The following SHKBP1 variants were observed in gnomAD, a reference collection of about 807,000 sequenced individuals.
The protein encoded by SHKBP1 is SH3KBP1 binding protein 1.
SHKBP1 carries 71 observed loss-of-function variants against 83.9 expected under a neutral mutation model. That is an observed-to-expected ratio of 0.85 (90% CI 0.70 to 1.03). The LOEUF (loss-of-function observed/expected upper bound fraction) is 1.03. SHKBP1 is among the 50% of genes least tolerant of loss of function. The pLI is 0.00. For missense variants in SHKBP1, 824 were observed against 982.4 expected, an observed-to-expected ratio of 0.84 and a Z score of 2.16; for synonymous variants, 371 against 398.0, an observed-to-expected ratio of 0.93 and a Z score of 0.81.
chr19:40,584,127 C>A (rs1012038221), intron 12 of SHKBP1, among the ~76,000 whole-genome samples: 4 of 152,120 alleles, frequency 2.6e-5, no homozygotes, highest in Non-Finnish European at 5.9e-5. Context: ...AGACGTGAGC[C>A]ACCGCGCCCA....
chr19:40,580,429 G>C lies in SHKBP1; in HGVS notation c.506G>C (p.Gly169Ala), dbSNP rs1440052543. 3.1e-6 allele frequency: 5 copies of C among 1,614,004 alleles called. No homozygotes were observed. Among genetic ancestry groups the C allele is most frequent in the East Asian group, 4.5e-5 (2 of 44,894 alleles). The change falls in exon 7 of 18, where the codon GGC (glycine) becomes GCC (alanine). Residue 169 changes from glycine (G) to alanine (A), a missense_variant. By Grantham distance (60) the Gly-to-Ala change is moderately conservative. Coordinates refer to ENST00000291842, the MANE Select transcript of SHKBP1 (RefSeq NM_138392.4). ...AGCAACACGATGCCCCCCAACCTTG[G>C]CAATGCAGGGCTGCTGGGCCGAATG... ...RRSNTMPPNLGNAGLLGRMLD... is the reference protein window; with the variant it reads ...RRSNTMPPNLANAGLLGRMLD...
At chr19:40,577,469 T>TG (rs779970265) in intron 3 of SHKBP1, 28 bp downstream of exon 3, 802 of 1,288,210 alleles carry the variant, frequency 6.2e-4, no homozygotes, top group Non-Finnish European at 8.2e-4. Flanking sequence ...TGAAATGGGA[T>TG]GGGGGGGAGG....
chr19:40,588,811 C>T, intron 14 of SHKBP1, 32 bp downstream of exon 14: 1 of 1,608,052 alleles, frequency 6.2e-7, no homozygotes, highest in South Asian at 1.1e-5. Flanking sequence ...TCCCACCCCA[C>T]TGACCCCCTT....
chr19:40,589,997 C>T (rs140711399), intron 15 of SHKBP1, among the ~76,000 whole-genome samples: 32 of 152,052 alleles, frequency 2.1e-4, no homozygotes, highest in South Asian at 6.2e-4. Flanking sequence ...GCAGCTGGGA[C>T]GGGCCTCAGG....
At position 40,583,593 on chromosome 19, in the gene SHKBP1, C is replaced by A; in HGVS notation, c.1049-8C>A. On this transcript the variant is annotated splice_region_variant and splice_polypyrimidine_tract_variant and intron_variant, in intron 11 of 17. Coordinates refer to ENST00000291842, the MANE Select transcript of SHKBP1 (RefSeq NM_138392.4). ...ACAAACCCGCTCCACCCTCCCTGCCCACCCCAGATGTGCAGAAGTTCCCCT... is the reference window on the plus strand; with the variant it reads ...ACAAACCCGCTCCACCCTCCCTGCCAACCCCAGATGTGCAGAAGTTCCCCT... 1 of 1,611,466 alleles carries A rather than the reference C, an allele frequency of 6.2e-7. No individual in the cohort carries two copies. The highest frequency in any genetic ancestry group is 8.5e-7 in the Non-Finnish European group (1 of 1,177,672).
intron 10 of SHKBP1, 43 bp from the exon 11 acceptor site, chr19:40,583,355 A>G (rs1324916272): frequency 6.7e-7 from 1 of 1,499,090 alleles, no homozygotes; most frequent in South Asian, 1.3e-5. Context: ...AAGGAAAGGA[A>G]TGGAAGGGCT....
intron 13 of SHKBP1, among the ~76,000 whole-genome samples, chr19:40,588,294 C>T (rs2081327950): frequency 6.6e-6 from 1 of 152,170 alleles, no homozygotes; most frequent in Non-Finnish European, 1.5e-5. Flanking sequence ...CTCCACCTGG[C>T]TGCCCGTGGG....
At chr19:40,582,740 TA>T (rs1455026407) in intron 10 of SHKBP1, among the ~76,000 whole-genome samples, 3 of 150,766 alleles carry the variant, frequency 2.0e-5, no homozygotes, top group East Asian at 2.0e-4. Context: ...GAGAGCAGGT[TA>T]GGGGGGATGC....
chr19:40,588,434 G>A (rs2081328946), intron 13 of SHKBP1, among the ~76,000 whole-genome samples, 190 bp from the exon 14 acceptor site: 1 of 152,216 alleles, frequency 6.6e-6, no homozygotes, highest in South Asian at 2.1e-4. Flanking sequence ...TCAGGCTCTG[G>A]AACAGTTTTG....
chr19:40,577,531 C>T (rs375433241), intron 3 of SHKBP1, 26 bp from the exon 4 acceptor site: 31 of 1,613,960 alleles, frequency 1.9e-5, no homozygotes, highest in Non-Finnish European at 1.9e-5. Context: ...TTTACCCCAT[C>T]CATCCTCTGC....
rs762772692 is a variant in SHKBP1 at position 40,588,606 on chromosome 19, T to A, written c.1337-18T>A. 1 of 1,613,898 alleles carries A rather than the reference T, an allele frequency of 6.2e-7. No homozygotes were observed. The highest frequency in any genetic ancestry group is 8.5e-7 in the Non-Finnish European group (1 of 1,179,848). On this transcript the variant is annotated intron_variant, in intron 13 of 17. Transcript: ENST00000291842. ...GCCTGCACCAGGCCTGACTTCCTGC[T>A]CTCCTTGTGCCCCTCAGTCTGTGCC... is the stretch of plus-strand genomic sequence containing the variant.
chr19:40,577,153 C>A (rs2081221556), intron 1 of SHKBP1, 78 bp from the exon 2 acceptor site: 1 of 1,572,006 alleles, frequency 6.4e-7, no homozygotes, highest in Admixed American at 1.7e-5. Context: ...GGGAGGGAAC[C>A]CTGGATCCTG....
chr19:40,577,677 T>A (rs1436607692), intron 4 of SHKBP1, 47 bp downstream of exon 4: 12 of 1,593,884 alleles, frequency 7.5e-6, no homozygotes, highest in Non-Finnish European at 1.0e-5. Context: ...CTTCAGTCCC[T>A]GAGGAGTTCT....
chr19:40,590,223 C>T lies in SHKBP1; in HGVS notation c.1590-21C>T, dbSNP rs2081346242. The T allele has an allele frequency of 1.9e-6, 3 of 1,540,936 alleles. No individual in the cohort carries two copies. Among genetic ancestry groups the T allele is most frequent in the Non-Finnish European group, 2.6e-6 (3 of 1,143,170 alleles). On this transcript the variant is annotated intron_variant, in intron 15 of 17. Transcript: ENST00000291842. The surrounding 1 kb of genome is among the most constrained non-coding windows in gnomAD (Gnocchi z 4.6). ...AGGGTGAGAAAGCGAGGGTGACCAC[C>T]TCCCCCACTGCACCCCCCAGGGTGT...
rs1056883722 is a variant in SHKBP1, at chr19:40,580,211, C to T, written c.401-113C>T. On this transcript the variant is annotated intron_variant, in intron 6 of 17. Transcript: ENST00000291842. The stretch of plus-strand genomic sequence containing the variant: ...TCACTGCACCACTTAAAATCTTCAC[C>T]CGGAGACTATGTCCCACACATGGGG... 3.9e-6 allele frequency: 5 copies of T among 1,283,502 alleles called. 1 individual carries two copies. In the Admixed American group the frequency reaches 1.2e-4, roughly 32 times the overall value. The allele number at this position is 1,283,502 out of a possible 1,614,324, so 79.5% of individuals were successfully genotyped here. A position where few individuals can be genotyped will look rare whatever the true frequency, so the allele number is the denominator to read the frequency against.
Position 40,590,968 on chromosome 19 carries a change from T to C in SHKBP1, c.1893-8T>C, listed in dbSNP as rs747845000. ...GATGACGTGCACTTACTGTCCTTACTTCCTCAGCCTCCACTCAGCCTCCAG... is the reference window on the plus strand; with the variant it reads ...GATGACGTGCACTTACTGTCCTTACCTCCTCAGCCTCCACTCAGCCTCCAG... On this transcript the variant is annotated splice_polypyrimidine_tract_variant and splice_region_variant and intron_variant, in intron 17 of 17. Coordinates refer to ENST00000291842, the MANE Select transcript of SHKBP1 (RefSeq NM_138392.4). This position sits in a 1 kb window ranked among gnomAD's most constrained non-coding sequence, Gnocchi z 4.6. 4 of 1,598,044 alleles carry C rather than the reference T, an allele frequency of 2.5e-6. No individual in the cohort carries two copies. The highest frequency in any genetic ancestry group is 3.4e-5 in the Admixed American group (2 of 59,506).
At chr19:40,578,248 T>C in intron 5 of SHKBP1, 36 bp downstream of exon 5, 1 of 1,599,520 alleles carries the variant, frequency 6.3e-7, no homozygotes, top group East Asian at 2.2e-5. Context: ...CCTCATTGTA[T>C]AGAAAACCAA....
chr19:40,588,572 A>G lies in SHKBP1; in HGVS notation c.1337-52A>G, dbSNP rs1025756611. On this transcript the variant is annotated intron_variant, in intron 13 of 17. Transcript: ENST00000291842. ...GTCCTGAGGCTCTGGACGGGCAGGCAGCATTGATGCCTGCACCAGGCCTGA... is the reference window on the plus strand; with the variant it reads ...GTCCTGAGGCTCTGGACGGGCAGGCGGCATTGATGCCTGCACCAGGCCTGA... The G allele has an allele frequency of 6.8e-6, 11 of 1,608,428 alleles. 1 individual carries two copies. Among genetic ancestry groups the G allele is most frequent in the Non-Finnish European group, 1.7e-6 (2 of 1,175,744 alleles).
At chr19:40,577,793 AC>A in intron 4 of SHKBP1, 163 bp downstream of exon 4, 1 of 854,934 alleles carries the variant, frequency 1.2e-6, no homozygotes, top group Non-Finnish European at 1.9e-6. Context: ...TGTAATCCCA[AC>A]ACTTTGGGAG....
Sources: allele counts gnomAD v4.1 joint callset (sites outside exome capture counted in the v4.1 genomes callset), GRCh38; gene constraint gnomAD v4.1.1; non-coding constraint Gnocchi (gnomAD v3.1); transcripts MANE v1.5; gene names NCBI Gene and HGNC (gene_info 2026-07-23, HGNC 2026-07-21).